Variants in CRHR1 observed in about 807,000 individuals in gnomAD.
CRHR1 encodes the protein corticotropin-releasing hormone receptor 1.
Under a neutral mutation model 56.0 loss-of-function variants are expected in CRHR1, and 28 were observed. The observed-to-expected ratio is 0.50, with a 90% CI of 0.37 to 0.69. CRHR1 has a LOEUF of 0.69. Among genes scored for constraint, CRHR1 ranks in the 30% least tolerant of loss-of-function variants. The pLI is 0.00. For synonymous variants in CRHR1, 195 were observed against 216.5 expected (o/e 0.90, Z 0.87); for missense variants, 376 against 548.0 (o/e 0.69, Z 3.13).
intron 2 of CRHR1, among the ~76,000 whole-genome samples, chr17:45,814,873 C>A (rs932828140): frequency 6.6e-6 from 1 of 152,282 alleles, no homozygotes; most frequent in Non-Finnish European, 1.5e-5. Flanking sequence ...AGATTTCTTT[C>A]TCTTTCAATT....
chr17:45,787,028 C>T (rs1256377061), intron 1 of CRHR1, among the ~76,000 whole-genome samples: 2 of 152,170 alleles, frequency 1.3e-5, no homozygotes, highest in Non-Finnish European at 2.9e-5. Context: ...CATGAGAGTA[C>T]AAATCTAGGG....
intron 1 of CRHR1, among the ~76,000 whole-genome samples, chr17:45,795,676 G>C (rs1030056244): frequency 1.3e-5 from 2 of 152,130 alleles, no homozygotes; most frequent in Non-Finnish European, 2.9e-5. Context: ...AAAACATAAG[G>C]GTCCCTGGGC....
intron 2 of CRHR1, among the ~76,000 whole-genome samples, chr17:45,813,736 G>A (rs551512898): frequency 1.3e-5 from 2 of 152,384 alleles, no homozygotes; most frequent in Admixed American, 1.3e-4. Flanking sequence ...GATTGTCTTG[G>A]AATAAGCCAT....
rs905508400 is a variant in CRHR1, at chr17:45,835,171, G to A, written c.*407G>A. 1.0e-5 allele frequency: 2 copies of A among 198,518 alleles called. No homozygotes were observed. The highest frequency in any genetic ancestry group is 1.1e-4 in the Admixed American group (2 of 17,730). 12.3% of individuals were successfully genotyped at this position (198,518 alleles called of 1,614,324 possible). ...CGTGGGGAGGCCATTTGCTGCCCTG[G>A]GGCATCATGGGCAACTCGTGACAGC... On this transcript the variant is annotated 3_prime_UTR_variant, in exon 13 of 13. Coordinates refer to ENST00000314537, the MANE Select transcript of CRHR1 (RefSeq NM_004382.5).
In CRHR1 at chr17:45,801,411, C is replaced by G. The variant is rs1255972235; in HGVS notation, c.34-5599C>G. ...AATGGGAGCATGATACCCGCCCAGTCTGCTTTCCCTTCCATCCCAGGGACC... is the reference window on the plus strand; with the variant it reads ...AATGGGAGCATGATACCCGCCCAGTGTGCTTTCCCTTCCATCCCAGGGACC... On this transcript the variant is annotated intron_variant, in intron 1 of 12. Coordinates refer to ENST00000314537, the MANE Select transcript of CRHR1 (RefSeq NM_004382.5). Among the ~76,000 whole-genome samples the G allele has an allele frequency of 2.0e-5, 3 of 152,230 alleles. No individual in the cohort carries two copies. The South Asian group carries it at 6.2e-4, about 31-fold the overall frequency.
rs2061290213 is a variant in CRHR1 at position 45,784,448 on chromosome 17, C to T, written c.-97C>T. 2 of 1,266,086 alleles carry T rather than the reference C, an allele frequency of 1.6e-6. No homozygotes were observed. The highest frequency in any genetic ancestry group is 1.6e-5 in the African/African-American group (1 of 64,196). The allele number at this position is 1,266,086 out of a possible 1,614,324, so 78.4% of individuals were successfully genotyped here. A position where few individuals can be genotyped will look rare whatever the true frequency, so the allele number is the denominator to read the frequency against. On this transcript the variant is annotated 5_prime_UTR_variant, in exon 1 of 13. Transcript: ENST00000314537. The surrounding 1 kb of genome is among the most constrained non-coding windows in gnomAD (Gnocchi z 4.2). ...AGGCAGCGACCGAGGAGCCCGGCCG[C>T]CCACCCCGTGCCGCCCGAGCCCGCA...
At position 45,834,864 on chromosome 17, in the gene CRHR1, A is replaced by G; in HGVS notation, c.*100A>G. 6.7e-7 allele frequency: 1 copy of G among 1,500,646 alleles called. No homozygotes were observed. The allele number at this position is 1,500,646 out of a possible 1,614,324, so 93.0% of individuals were successfully genotyped here. A position where few individuals can be genotyped will look rare whatever the true frequency, so the allele number is the denominator to read the frequency against. On this transcript the variant is annotated 3_prime_UTR_variant, in exon 13 of 13. Transcript: ENST00000314537. ...CTGTGGAGGTGACCTGTTAGGTCTCATGCCCACTCCCCCAGGAGCAGCTGG... is the reference window on the plus strand; with the variant it reads ...CTGTGGAGGTGACCTGTTAGGTCTCGTGCCCACTCCCCCAGGAGCAGCTGG...
At chr17:45,810,334 G>A (rs558381202) in intron 2 of CRHR1, among the ~76,000 whole-genome samples, 1 of 152,256 alleles carries the variant, frequency 6.6e-6, no homozygotes, top group East Asian at 1.9e-4. Context: ...TGTCCACTGT[G>A]TGTTGGACGC....
intron 10 of CRHR1, 21 bp from the exon 11 acceptor site, chr17:45,833,693 T>TGGGGGGCCCCCCCCCCCCCCC: frequency 1.9e-6 from 3 of 1,571,588 alleles, no homozygotes; most frequent in Non-Finnish European, 2.6e-6. Flanking sequence ...ACTCCGAGCC[T>TGGGGGGCCCCCCCCCCCCCCC]CCCCACCCGC....
chr17:45,794,974 G>GGGC (rs1172154710), intron 1 of CRHR1, among the ~76,000 whole-genome samples: 1 of 152,168 alleles, frequency 6.6e-6, no homozygotes, highest in Non-Finnish European at 1.5e-5. Context: ...AGCTCTTTCT[G>GGGC]GGCTGCCTCA....
At position 45,824,462 on chromosome 17, in the gene CRHR1, T is replaced by C. The variant is rs147541865; in HGVS notation, c.327+3022T>C. 1.5e-3 allele frequency among the ~76,000 whole-genome samples: 221 copies of C among 152,266 alleles called. 1 individual carries two copies. The highest frequency in any genetic ancestry group is 5.2e-3 in the African/African-American group (214 of 41,550). ...CCTGCTCTATTGCAAGCCCCTTCTTTTCAGTTGGCTGATGGGGACACTCGG... is the reference window on the plus strand; with the variant it reads ...CCTGCTCTATTGCAAGCCCCTTCTTCTCAGTTGGCTGATGGGGACACTCGG... On this transcript the variant is annotated intron_variant, in intron 4 of 12. Coordinates refer to ENST00000314537, the MANE Select transcript of CRHR1 (RefSeq NM_004382.5).
chr17:45,816,354 T>C, intron 2 of CRHR1, 109 bp from the exon 3 acceptor site: 2 of 1,442,730 alleles, frequency 1.4e-6, no homozygotes, highest in Admixed American at 4.1e-5. Flanking sequence ...CCCTAGCTGG[T>C]GTGAGTGGGA....
intron 2 of CRHR1, among the ~76,000 whole-genome samples, chr17:45,809,537 C>T (rs985653086): frequency 2.5e-4 from 38 of 152,342 alleles, no homozygotes; most frequent in African/African-American, 8.2e-4. Flanking sequence ...ACTCTGTGCC[C>T]GTGCCCCCAG....
chr17:45,829,607 G>T (rs75638861), intron 5 of CRHR1: 17 of 1,551,044 alleles, frequency 1.1e-5, no homozygotes, highest in Non-Finnish European at 1.3e-5. Flanking sequence ...AGCCCTGGAG[G>T]TGGGGGCTCC....
chr17:45,791,253 CCGGGTCCAGG>C lies in CRHR1; in HGVS notation c.33+6681_33+6690del, dbSNP rs1181355799. 3.3e-5 allele frequency among the ~76,000 whole-genome samples: 5 copies of C among 152,208 alleles called. No individual in the cohort carries two copies. In the East Asian group the frequency reaches 9.7e-4, roughly 29 times the overall value. On this transcript the variant is annotated intron_variant, in intron 1 of 12. Coordinates refer to ENST00000314537, the MANE Select transcript of CRHR1 (RefSeq NM_004382.5). ...GGGCTGGGTGGGCTGGAAAAGCAAACCGGGTCCAGGCGGGGTTTTACCCTGGGGAAAGGGC... is the reference window on the plus strand; with the variant it reads ...GGGCTGGGTGGGCTGGAAAAGCAAACCGGGGTTTTACCCTGGGGAAAGGGC...
At chr17:45,803,935 T>A (rs2061674683) in intron 1 of CRHR1, among the ~76,000 whole-genome samples, 2 of 152,106 alleles carry the variant, frequency 1.3e-5, no homozygotes. Context: ...CGAGCCTGGG[T>A]CCTTGCTGAT....
chr17:45,817,332 G>T (rs1041870700), intron 3 of CRHR1, among the ~76,000 whole-genome samples: 6 of 152,216 alleles, frequency 3.9e-5, no homozygotes, highest in African/African-American at 1.4e-4. Context: ...ACCTACCTGA[G>T]GGGAGGCTGG....
At chr17:45,828,338 C>T (rs1237761692) in intron 4 of CRHR1, among the ~76,000 whole-genome samples, 2 of 152,240 alleles carry the variant, frequency 1.3e-5, no homozygotes, top group African/African-American at 2.4e-5. Flanking sequence ...ACCTCCAGCG[C>T]GTCAGCATAA....
chr17:45,786,566 T>C (rs1017564056), intron 1 of CRHR1, among the ~76,000 whole-genome samples: 3 of 151,660 alleles, frequency 2.0e-5, no homozygotes, highest in South Asian at 2.1e-4. Flanking sequence ...CAGTGAGTAG[T>C]GAAGTCAGAA....
Sources: allele counts gnomAD v4.1 joint callset (sites outside exome capture counted in the v4.1 genomes callset), GRCh38; gene constraint gnomAD v4.1.1; non-coding constraint Gnocchi (gnomAD v3.1); transcripts MANE v1.5; gene names NCBI Gene and HGNC (gene_info 2026-07-23, HGNC 2026-07-21).